ATRNL1: variants seen among roughly 807,000 people sequenced by gnomAD.
The protein encoded by ATRNL1 is attractin-like protein 1.
ATRNL1 carries 95 observed loss-of-function variants against 182.7 expected under a neutral mutation model. The ratio of observed to expected loss-of-function variants is 0.52; its 90% CI spans 0.44 to 0.62. The LOEUF (loss-of-function observed/expected upper bound fraction) is 0.62. Among genes scored for constraint, ATRNL1 ranks in the 20% least tolerant of loss-of-function variants. The pLI is 0.00. For missense variants in ATRNL1, 1,471 were observed against 1,679.5 expected (o/e 0.88, Z 2.17); for synonymous variants, 576 against 568.3 (o/e 1.01, Z -0.19).
At chr10:115,678,947 A>G (rs1436603767) in intron 26 of ATRNL1, among the ~76,000 whole-genome samples, 1 of 152,144 alleles carries the variant, frequency 6.6e-6, no homozygotes, top group Non-Finnish European at 1.5e-5. Flanking sequence ...CAATGGTGGA[A>G]GAGGAATAAG....
intron 24 of ATRNL1, among the ~76,000 whole-genome samples, chr10:115,513,473 T>G (rs570007112): frequency 6.3e-4 from 96 of 152,090 alleles, no homozygotes; most frequent in African/African-American, 2.2e-3. Context: ...CACTAAGAAT[T>G]TTTTCACTGC....
rs916322723 is a variant in ATRNL1 at position 115,944,971 on chromosome 10, C to T, written c.*192C>T. The T allele has an allele frequency of 2.2e-5, 11 of 511,236 alleles. No homozygotes were observed. The highest frequency in any genetic ancestry group is 4.1e-5 in the Admixed American group (1 of 24,360). 31.7% of individuals were successfully genotyped at this position (511,236 alleles called of 1,614,324 possible). ...AGTTTTATAAAAGTATTGATGGTCA[C>T]AGGTGATAAAGTCAGTTTTTACCAC... is the stretch of plus-strand genomic sequence containing the variant. On this transcript the variant is annotated 3_prime_UTR_variant, in exon 29 of 29. Transcript: ENST00000355044.
At chr10:115,580,586 A>G (rs187733620) in intron 26 of ATRNL1, among the ~76,000 whole-genome samples, 1 of 152,010 alleles carries the variant, frequency 6.6e-6, no homozygotes, top group East Asian at 1.9e-4. Context: ...GATTCATATT[A>G]TTTGATGTAC....
intron 26 of ATRNL1, among the ~76,000 whole-genome samples, chr10:115,628,423 T>C (rs1858254245): frequency 6.6e-6 from 1 of 152,170 alleles, no homozygotes; most frequent in African/African-American, 2.4e-5. Context: ...TTAGTTGGAC[T>C]GATGATTTGT....
intron 27 of ATRNL1, among the ~76,000 whole-genome samples, chr10:115,739,057 A>G (rs1403886038): frequency 6.6e-6 from 1 of 152,140 alleles, no homozygotes; most frequent in East Asian, 1.9e-4. Context: ...ATCTTAAATC[A>G]TTTAAGATGA....
chr10:115,731,345 T>G (rs1947792223), intron 27 of ATRNL1, among the ~76,000 whole-genome samples: 1 of 152,148 alleles, frequency 6.6e-6, no homozygotes, highest in Admixed American at 6.5e-5. Flanking sequence ...AACAAATGAC[T>G]CATTCTGATT....
At chr10:115,787,199 A>G (rs1376984987) in intron 27 of ATRNL1, among the ~76,000 whole-genome samples, 1 of 152,200 alleles carries the variant, frequency 6.6e-6, no homozygotes, top group Non-Finnish European at 1.5e-5. Context: ...CTTTGTATTC[A>G]ATAGTCTTGT....
chr10:115,561,686 T>TGTGTGTGG (rs1397364485), intron 26 of ATRNL1, among the ~76,000 whole-genome samples: 126 of 109,588 alleles, frequency 1.1e-3, no homozygotes, highest in African/African-American at 3.8e-3. Context: ...TGTGTGTGTG[T>TGTGTGTGG]GTGGGTGTGT....
At chr10:115,319,270 A>G (rs554144767) in intron 18 of ATRNL1, among the ~76,000 whole-genome samples, 12 of 152,214 alleles carry the variant, frequency 7.9e-5, no homozygotes, top group East Asian at 7.7e-4. Context: ...AATGATTTCA[A>G]TTCTTTTCCA....
At chr10:115,894,981 T>C (rs1555112151) in intron 28 of ATRNL1, among the ~76,000 whole-genome samples, 1 of 152,246 alleles carries the variant, frequency 6.6e-6, no homozygotes, top group Non-Finnish European at 1.5e-5. Context: ...CTAGTTTACT[T>C]GTTTTCTTAA....
chr10:115,534,977 G>T (rs868976387), intron 25 of ATRNL1, among the ~76,000 whole-genome samples: 1 of 152,152 alleles, frequency 6.6e-6, no homozygotes, highest in East Asian at 1.9e-4. Context: ...TGAGAGATCC[G>T]CTGTTAGTCT....
At chr10:115,755,803 C>A (rs773542765) in intron 27 of ATRNL1, among the ~76,000 whole-genome samples, 1 of 151,984 alleles carries the variant, frequency 6.6e-6, no homozygotes, top group Admixed American at 6.6e-5. Context: ...TGGTCCTGGA[C>A]GTTTTTTGGT....
intron 17 of ATRNL1, among the ~76,000 whole-genome samples, chr10:115,312,276 TA>T (rs1854073297): frequency 6.6e-6 from 1 of 152,178 alleles, no homozygotes; most frequent in South Asian, 2.1e-4. Flanking sequence ...GAACTCTTTT[TA>T]GCTTTTCTTG....
At position 115,717,606 on chromosome 10, in the gene ATRNL1, C is replaced by CAGTA. The variant is rs1318355216; in HGVS notation, c.3796-9639_3796-9638insAAGT. On this transcript the variant is annotated intron_variant, in intron 26 of 28. Coordinates refer to ENST00000355044, the MANE Select transcript of ATRNL1 (RefSeq NM_207303.4). The stretch of plus-strand genomic sequence containing the variant: ...TCGCTCTGTCACCTGGGCTAGAGTG[C>CAGTA]AGTGGTGCAATCTCAGCACACTGCA... Among the ~76,000 whole-genome samples the CAGTA allele has an allele frequency of 2.4e-5, 3 of 125,370 alleles. No individual in the cohort carries two copies. The Admixed American group carries it at 3.2e-4, about 13-fold the overall frequency. The allele number at this position is 125,370 out of a possible 152,430, so 82.2% of individuals were successfully genotyped here. A position where few individuals can be genotyped will look rare whatever the true frequency, so the allele number is the denominator to read the frequency against.
intron 27 of ATRNL1, among the ~76,000 whole-genome samples, chr10:115,784,836 A>G (rs1003350528): frequency 6.6e-5 from 10 of 152,252 alleles, no homozygotes; most frequent in Middle Eastern, 3.4e-3. Flanking sequence ...ATTTTAACTA[A>G]TTATATTTGT....
intron 18 of ATRNL1, among the ~76,000 whole-genome samples, chr10:115,328,534 C>T (rs1455111110): frequency 6.6e-6 from 1 of 152,072 alleles, no homozygotes; most frequent in Non-Finnish European, 1.5e-5. Flanking sequence ...GGTATTCCTC[C>T]TATGTGTAAT....
chr10:115,805,619 C>G (rs1222194204), intron 27 of ATRNL1, among the ~76,000 whole-genome samples: 2 of 152,034 alleles, frequency 1.3e-5, no homozygotes, highest in African/African-American at 4.8e-5. Context: ...TATCACAGAA[C>G]CAAAAAGCAC....
intron 24 of ATRNL1, among the ~76,000 whole-genome samples, chr10:115,500,932 T>TTC (rs1849799823): frequency 7.2e-6 from 1 of 139,842 alleles, no homozygotes; most frequent in Non-Finnish European, 1.6e-5. Context: ...TTTTTTTTTT[T>TTC]TTTTTTTTTT....
chr10:115,620,226 G>C (rs545388130), intron 26 of ATRNL1, among the ~76,000 whole-genome samples: 55 of 152,208 alleles, frequency 3.6e-4, no homozygotes, highest in African/African-American at 1.2e-3. Flanking sequence ...ATGTGGGTGG[G>C]AGAGGTCTCA....
Sources: gnomAD v4.1 joint callset for allele counts (sites outside exome capture counted in the v4.1 genomes callset) on GRCh38, gnomAD v4.1.1 for gene constraint, MANE v1.5 for transcripts, NCBI Gene and HGNC (gene_info 2026-07-23, HGNC 2026-07-21) for gene names.